Variants in XYLT1 observed in about 807,000 individuals in gnomAD.
XYLT1 encodes the protein xylosyltransferase 1.
Under a neutral mutation model 91.3 loss-of-function variants are expected in XYLT1, and 36 were observed. The ratio of observed to expected loss-of-function variants is 0.39; its 90% confidence interval spans 0.30 to 0.52. XYLT1 has a LOEUF of 0.52. Among genes scored for constraint, XYLT1 ranks in the 20% least tolerant of loss-of-function variants. The pLI, the probability that XYLT1 is intolerant of heterozygous loss-of-function variation, is 0.68. For synonymous variants in XYLT1, 588 were observed against 532.0 expected, an observed-to-expected ratio of 1.11 and a Z score of -1.45; for missense variants, 1,242 against 1,284.5, an observed-to-expected ratio of 0.97 and a Z score of 0.51.
intron 11 of XYLT1, among the ~76,000 whole-genome samples, chr16:17,114,626 T>G (rs1226245218): frequency 6.6e-6 from 1 of 152,162 alleles, no homozygotes; most frequent in Admixed American, 6.5e-5. Context: ...CTCCTCCCCA[T>G]GCTGTGTCCC....
At chr16:17,333,072 A>T (rs2034925459) in intron 2 of XYLT1, among the ~76,000 whole-genome samples, 1 of 152,136 alleles carries the variant, frequency 6.6e-6, no homozygotes, top group Non-Finnish European at 1.5e-5. Context: ...CAGGAGACTG[A>T]GGCCAGGAAT....
At chr16:17,190,218 G>A (rs761446771) in intron 5 of XYLT1, among the ~76,000 whole-genome samples, 4 of 152,136 alleles carry the variant, frequency 2.6e-5, no homozygotes, top group Non-Finnish European at 5.9e-5. Flanking sequence ...GCGTACGGTT[G>A]CCTGACACTG....
intron 2 of XYLT1, among the ~76,000 whole-genome samples, chr16:17,332,157 G>A (rs958422894): frequency 2.0e-5 from 3 of 152,224 alleles, no homozygotes; most frequent in African/African-American, 7.2e-5. Flanking sequence ...CTTCCCTGGG[G>A]CTGACTGTAC....
At chr16:17,351,750 G>T (rs560160506) in intron 2 of XYLT1, among the ~76,000 whole-genome samples, 82 of 62,184 alleles carry the variant, frequency 1.3e-3, no homozygotes, top group African/African-American at 2.2e-3. Context: ...CTTTTTTTTT[G>T]GGGGGGGGTG....
intron 1 of XYLT1, among the ~76,000 whole-genome samples, chr16:17,456,845 T>C (rs2036750382): frequency 6.6e-6 from 1 of 152,188 alleles, no homozygotes; most frequent in Non-Finnish European, 1.5e-5. Flanking sequence ...GGGAATACTA[T>C]CAGCAGCCAC....
At chr16:17,273,486 T>C (rs1596460261) in intron 2 of XYLT1, among the ~76,000 whole-genome samples, 1 of 152,208 alleles carries the variant, frequency 6.6e-6, no homozygotes, top group East Asian at 1.9e-4. Context: ...GGCCCCAGCC[T>C]GGACCACAGG....
At chr16:17,414,221 G>A (rs939050697) in intron 1 of XYLT1, among the ~76,000 whole-genome samples, 11 of 152,184 alleles carry the variant, frequency 7.2e-5, no homozygotes, top group Admixed American at 7.2e-4. Flanking sequence ...ATGTCACCCA[G>A]ACATCTCTAT....
chr16:17,295,858 T>C (rs2034301881), intron 2 of XYLT1, among the ~76,000 whole-genome samples: 1 of 152,124 alleles, frequency 6.6e-6, no homozygotes, highest in African/African-American at 2.4e-5. Flanking sequence ...TGTCAACAAG[T>C]TCAAATCTAG....
At position 17,381,421 on chromosome 16, in the gene XYLT1, C is replaced by CT. The variant is rs11299875; in HGVS notation, c.364-23372dup. Among the ~76,000 whole-genome samples the CT allele has an allele frequency of 3.6e-3, 469 of 130,098 alleles. 4 individuals carry two copies. The highest frequency in any genetic ancestry group is 9.5e-3 in the African/African-American group (287 of 30,134). The allele number at this position is 130,098 out of a possible 152,430, so 85.3% of individuals were successfully genotyped here. On this transcript the variant is annotated intron_variant, in intron 1 of 11. Transcript: ENST00000261381. ...AAAAAGAACAAATAAAAGGCAACAC[C>CT]TTTTTTTTTTTTTTTTTTTTTGAAA...
intron 3 of XYLT1, among the ~76,000 whole-genome samples, chr16:17,211,058 T>C (rs372342664): frequency 5.3e-5 from 8 of 152,294 alleles, no homozygotes; most frequent in East Asian, 1.9e-4. Context: ...ATGGCCATGA[T>C]GCAAAATTAC....
intron 1 of XYLT1, among the ~76,000 whole-genome samples, chr16:17,402,681 A>T (rs944549218): frequency 6.6e-6 from 1 of 151,034 alleles, no homozygotes; most frequent in Non-Finnish European, 1.5e-5. Context: ...CTCTCTTGAT[A>T]TTGAGCTTGT....
chr16:17,237,149 C>T (rs1253631019), intron 3 of XYLT1, among the ~76,000 whole-genome samples: 4 of 152,070 alleles, frequency 2.6e-5, no homozygotes, highest in East Asian at 1.9e-4. Flanking sequence ...GTGTAATATA[C>T]GAAGTTTGGT....
chr16:17,334,609 C>A (rs2034950072), intron 2 of XYLT1, among the ~76,000 whole-genome samples: 1 of 152,068 alleles, frequency 6.6e-6, no homozygotes. Flanking sequence ...ATAGTGCCTA[C>A]AAAGTCCCTC....
chr16:17,388,384 T>C (rs577754439), intron 1 of XYLT1, among the ~76,000 whole-genome samples: 43 of 152,260 alleles, frequency 2.8e-4, no homozygotes, highest in Non-Finnish European at 5.4e-4. Flanking sequence ...GATAAGCATG[T>C]AGAGGACCAG....
At chr16:17,181,675 T>C (rs1281530014) in intron 5 of XYLT1, among the ~76,000 whole-genome samples, 2 of 152,320 alleles carry the variant, frequency 1.3e-5, no homozygotes, top group East Asian at 3.9e-4. Context: ...TACTTAGTGC[T>C]GGAGAGATTG....
In XYLT1 at chr16:17,158,849, T is replaced by C. The variant is rs771222478; in HGVS notation, c.1350A>G (p.Ser450=). The C allele has an allele frequency of 6.2e-7, 1 of 1,614,000 alleles. No individual in the cohort carries two copies. The change falls in exon 6 of 12, where the codon TCA becomes TCG. Residue 450 remains serine (S), a synonymous_variant. Transcript: ENST00000261381. ...GCTACCTTGCATTGTCCCGGCCGTG[T>C]GACTTCAAGAAATTCATATCTCGGT... ...SRYRDMNFLK[S]HGRDNARFIR...
At chr16:17,343,308 G>A (rs1469638019) in intron 2 of XYLT1, among the ~76,000 whole-genome samples, 3 of 152,150 alleles carry the variant, frequency 2.0e-5, no homozygotes, top group Non-Finnish European at 2.9e-5. Flanking sequence ...ACAGGCCTCC[G>A]GGATTGTGCC....
At position 17,450,296 on chromosome 16, in the gene XYLT1, C is replaced by T. The variant is rs558143032; in HGVS notation, c.363+20138G>A. On this transcript the variant is annotated intron_variant, in intron 1 of 11. Coordinates refer to ENST00000261381, the MANE Select transcript of XYLT1 (RefSeq NM_022166.4). ...GAGGTTGCAGTGAGCTGAGATTGCG[C>T]CACTGCACTCCAATCTGGGCAACAG... 4.6e-5 allele frequency among the ~76,000 whole-genome samples: 7 copies of T among 152,132 alleles called. No individual in the cohort carries two copies. The East Asian group carries it at 1.2e-3, about 25-fold the overall frequency.
At chr16:17,438,406 C>T (rs1370695715) in intron 1 of XYLT1, among the ~76,000 whole-genome samples, 1 of 152,204 alleles carries the variant, frequency 6.6e-6, no homozygotes, top group South Asian at 2.1e-4. Context: ...ACACTGATGT[C>T]CTCATTGGGG....
Sources: gnomAD v4.1 joint callset for allele counts (sites outside exome capture counted in the v4.1 genomes callset) on GRCh38, gnomAD v4.1.1 for gene constraint, MANE v1.5 for transcripts, NCBI Gene and HGNC (gene_info 2026-07-23, HGNC 2026-07-21) for gene names.